The following AGAP1 variants were observed in gnomAD, a reference collection of about 807,000 sequenced individuals.
AGAP1 encodes ArfGAP with GTPase domain, ankyrin repeat and PH domain 1.
Under a neutral mutation model 105.3 loss-of-function variants are expected in AGAP1, and 29 were observed. The ratio of observed to expected loss-of-function variants is 0.28; its 90% confidence interval spans 0.21 to 0.38. The LOEUF is 0.38. AGAP1 is among the 10% of genes least tolerant of loss of function. AGAP1 has a pLI of 1.00. For missense variants in AGAP1, 998 were observed against 1,165.1 expected (o/e 0.86, Z 2.09); for synonymous variants, 509 against 485.9 (o/e 1.05, Z -0.63).
Position 236,105,268 on chromosome 2 carries a change from A to C in AGAP1, c.2115-14924A>C, listed in dbSNP as rs2059455455. 6.6e-6 allele frequency among the ~76,000 whole-genome samples: 1 copy of C among 152,148 alleles called. No homozygotes were observed. Among genetic ancestry groups the C allele is most frequent in the Non-Finnish European group, 1.5e-5 (1 of 68,040 alleles). On this transcript the variant is annotated intron_variant, in intron 16 of 17. Transcript: ENST00000304032. The surrounding 1 kb of genome is among the most constrained non-coding windows in gnomAD (Gnocchi z 4.2). ...CACTTTAAGAACCCTGCATGCACAC[A>C]GTCTTGCGTCAACTTCAGTTTTAAC...
intron 12 of AGAP1, among the ~76,000 whole-genome samples, chr2:235,932,264 C>G (rs550812635): frequency 1.3e-5 from 2 of 152,268 alleles, no homozygotes; most frequent in South Asian, 4.1e-4. Flanking sequence ...CCTCCATGAG[C>G]CTCCGTTTTC....
chr2:235,811,908 G>T (rs952644849), intron 9 of AGAP1, among the ~76,000 whole-genome samples: 3 of 152,224 alleles, frequency 2.0e-5, no homozygotes, highest in Non-Finnish European at 2.9e-5. Context: ...GAGAGAACCA[G>T]GTCTCTGCTT....
At chr2:235,812,697 G>A (rs1195126557) in intron 9 of AGAP1, among the ~76,000 whole-genome samples, 1 of 152,246 alleles carries the variant, frequency 6.6e-6, no homozygotes. Flanking sequence ...GAATGGCAGT[G>A]CCCTTCCTTC....
rs2053627188 is a variant in AGAP1, at chr2:235,949,204, CCCAAAAT to C, written c.1483+18291_1483+18297del. On this transcript the variant is annotated intron_variant, in intron 12 of 17. Coordinates refer to ENST00000304032, the MANE Select transcript of AGAP1 (RefSeq NM_001037131.3). ...ATACATGCACGTTGAGTTCCCTAAA[CCCAAAAT>C]CCAAAATCCGAAGGGCTCCATTGAG... Among the ~76,000 whole-genome samples the C allele has an allele frequency of 2.0e-5, 3 of 152,260 alleles. No individual in the cohort carries two copies. The South Asian group carries it at 6.2e-4, about 32-fold the overall frequency.
chr2:235,505,536 T>A (rs1941762699), intron 1 of AGAP1, among the ~76,000 whole-genome samples: 1 of 152,170 alleles, frequency 6.6e-6, no homozygotes, highest in South Asian at 2.1e-4. Flanking sequence ...TTATCAAGCC[T>A]CTGCACTGGG....
Position 236,120,191 on chromosome 2 carries a change from G to A in AGAP1, c.2115-1G>A. ...TGCACCTGTCTGGTGGCTCTTTGCA[G>A]GGAAGAGAAGGAACGGTGGATCCGT... On this transcript the variant is annotated splice_acceptor_variant, in intron 16 of 17. Transcript: ENST00000304032. LOFTEE classifies it high-confidence loss of function. The surrounding 1 kb of genome is among the most constrained non-coding windows in gnomAD (Gnocchi z 6.0). 6.2e-7 allele frequency: 1 copy of A among 1,607,858 alleles called. No individual in the cohort carries two copies. Among genetic ancestry groups the A allele is most frequent in the Non-Finnish European group, 8.5e-7 (1 of 1,176,282 alleles).
At chr2:235,836,030 C>CGA (rs1960115369) in intron 9 of AGAP1, among the ~76,000 whole-genome samples, 1 of 152,190 alleles carries the variant, frequency 6.6e-6, no homozygotes, top group South Asian at 2.1e-4. Context: ...TGCTGAAACT[C>CGA]TAACAGCATC....
chr2:235,874,377 G>A lies in AGAP1; in HGVS notation c.1051-8968G>A, dbSNP rs1190960370. On this transcript the variant is annotated intron_variant, in intron 9 of 17. Coordinates refer to ENST00000304032, the MANE Select transcript of AGAP1 (RefSeq NM_001037131.3). This position sits in a 1 kb window ranked among gnomAD's most constrained non-coding sequence, Gnocchi z 4.5. ...AACCACATTCTTGAGCTGAGCTCCCGAGGGTACCTGGTGATGTAGAAGGAA... is the reference window on the plus strand; with the variant it reads ...AACCACATTCTTGAGCTGAGCTCCCAAGGGTACCTGGTGATGTAGAAGGAA... Among the ~76,000 whole-genome samples, 5 of 152,180 alleles carry A rather than the reference G, an allele frequency of 3.3e-5. No individual in the cohort carries two copies. The highest frequency in any genetic ancestry group is 3.9e-4 in the East Asian group (2 of 5,190).
At chr2:235,653,758 G>T (rs570765954) in intron 1 of AGAP1, among the ~76,000 whole-genome samples, 1 of 152,160 alleles carries the variant, frequency 6.6e-6, no homozygotes, top group African/African-American at 2.4e-5. Flanking sequence ...ATGGCCTTAT[G>T]TATTAAAAAC....
intron 1 of AGAP1, among the ~76,000 whole-genome samples, chr2:235,698,058 G>A (rs1371911528): frequency 6.6e-6 from 1 of 152,158 alleles, no homozygotes; most frequent in East Asian, 1.9e-4. Flanking sequence ...GGGGTCGAGG[G>A]AGGGGGGATG....
In AGAP1 at chr2:235,705,225, C is replaced by T. The variant is rs1398025885; in HGVS notation, c.164-3954C>T. The stretch of plus-strand genomic sequence containing the variant: ...AACTCCTGACCTCAGGTGATCTGCG[C>T]GCCTCGGCCTCCTAAAGTGTTGGGA... On this transcript the variant is annotated intron_variant, in intron 1 of 17. Transcript: ENST00000304032. The surrounding 1 kb of genome is among the most constrained non-coding windows in gnomAD (Gnocchi z 4.9). Among the ~76,000 whole-genome samples, 4 of 151,950 alleles carry T rather than the reference C, an allele frequency of 2.6e-5. No homozygotes were observed. Among genetic ancestry groups the T allele is most frequent in the South Asian group, 2.1e-4 (1 of 4,812 alleles).
At position 235,889,920 on chromosome 2, in the gene AGAP1, T is replaced by C. The variant is rs992014779; in HGVS notation, c.1155+6471T>C. Among the ~76,000 whole-genome samples, 43 of 151,282 alleles carry C rather than the reference T, an allele frequency of 2.8e-4. No individual in the cohort carries two copies. The highest frequency in any genetic ancestry group is 8.1e-4 in the African/African-American group (33 of 40,732). Reference sequence around the variant, plus strand: ...AGACTAAGAAAGCTCCATGAAAGTTTATGCCAGTGATAACCTCCAGGCCCC... The same window carrying C: ...AGACTAAGAAAGCTCCATGAAAGTTCATGCCAGTGATAACCTCCAGGCCCC... On this transcript the variant is annotated intron_variant, in intron 10 of 17. Transcript: ENST00000304032. The surrounding 1 kb of genome is among the most constrained non-coding windows in gnomAD (Gnocchi z 4.6).
In AGAP1 at chr2:236,105,727, G is replaced by A. The variant is rs1199564122; in HGVS notation, c.2115-14465G>A. On this transcript the variant is annotated intron_variant, in intron 16 of 17. Transcript: ENST00000304032. The surrounding 1 kb of genome is among the most constrained non-coding windows in gnomAD (Gnocchi z 4.2). ...TCCCACCTCAGCCTCCCGAGTAGCTGGGACTACAGGCGCCCGCCACCATGC... is the reference window on the plus strand; with the variant it reads ...TCCCACCTCAGCCTCCCGAGTAGCTAGGACTACAGGCGCCCGCCACCATGC... Among the ~76,000 whole-genome samples the A allele has an allele frequency of 6.6e-6, 1 of 151,004 alleles. No individual in the cohort carries two copies. The highest frequency in any genetic ancestry group is 1.5e-5 in the Non-Finnish European group (1 of 67,562).
At chr2:236,112,156 C>T (rs1352768314) in intron 16 of AGAP1, among the ~76,000 whole-genome samples, 1 of 152,148 alleles carries the variant, frequency 6.6e-6, no homozygotes, top group Admixed American at 6.5e-5. Context: ...TGGCTCACAC[C>T]TGTAATCCCA....
At position 235,865,377 on chromosome 2, in the gene AGAP1, A is replaced by G. The variant is rs868348546; in HGVS notation, c.1051-17968A>G. Among the ~76,000 whole-genome samples the G allele has an allele frequency of 1.2e-4, 18 of 152,312 alleles. No individual in the cohort carries two copies. The highest frequency in any genetic ancestry group is 3.4e-3 in the Middle Eastern group (1 of 294). On this transcript the variant is annotated intron_variant, in intron 9 of 17. Coordinates refer to ENST00000304032, the MANE Select transcript of AGAP1 (RefSeq NM_001037131.3). The surrounding 1 kb of genome is among the most constrained non-coding windows in gnomAD (Gnocchi z 6.2). ...GTGTGGCGCAGCCTTGGGTTCCGCA[A>G]ATAGGGCACCCACAGTAACACGTGT...
chr2:235,854,396 C>A (rs1055827025), intron 9 of AGAP1, among the ~76,000 whole-genome samples: 1 of 152,220 alleles, frequency 6.6e-6, no homozygotes, highest in Admixed American at 6.5e-5. Flanking sequence ...TAGATGGGAC[C>A]TGTGAGGCCT....
Position 235,586,535 on chromosome 2 carries a change from G to A in AGAP1, c.163+91686G>A, listed in dbSNP as rs570052674. Reference sequence around the variant, plus strand: ...TTTGAGTGCTCCTTATGTCCATGCAGAGGCTGACTCCAGAGGATGCTGTGC... The same window carrying A: ...TTTGAGTGCTCCTTATGTCCATGCAAAGGCTGACTCCAGAGGATGCTGTGC... On this transcript the variant is annotated intron_variant, in intron 1 of 17. Transcript: ENST00000304032. The surrounding 1 kb of genome is among the most constrained non-coding windows in gnomAD (Gnocchi z 4.2). Among the ~76,000 whole-genome samples, 1 of 152,348 alleles carries A rather than the reference G, an allele frequency of 6.6e-6. No individual in the cohort carries two copies. The highest frequency in any genetic ancestry group is 1.9e-4 in the East Asian group (1 of 5,182).
At chr2:235,526,297 GA>G (rs1455945463) in intron 1 of AGAP1, among the ~76,000 whole-genome samples, 1 of 152,244 alleles carries the variant, frequency 6.6e-6, no homozygotes, top group Non-Finnish European at 1.5e-5. Flanking sequence ...GATGAATCCA[GA>G]GGCATATCTA....
intron 12 of AGAP1, among the ~76,000 whole-genome samples, chr2:235,937,837 C>T (rs1179712799): frequency 1.3e-5 from 2 of 152,166 alleles, no homozygotes; most frequent in Non-Finnish European, 2.9e-5. Context: ...CAGAGACCAG[C>T]CCCCCACAGC....
Sources: gnomAD v4.1 joint callset for allele counts (sites outside exome capture counted in the v4.1 genomes callset) on GRCh38, gnomAD v4.1.1 for gene constraint, Gnocchi (gnomAD v3.1) non-coding constraint, MANE v1.5 for transcripts, NCBI Gene and HGNC (gene_info 2026-07-23, HGNC 2026-07-21) for gene names.